Variants in NAA35 observed in about 807,000 individuals in gnomAD.
NAA35 encodes N-alpha-acetyltransferase 35, NatC auxiliary subunit.
NAA35 carries 18 observed loss-of-function variants against 101.7 expected under a neutral mutation model. The observed-to-expected ratio is 0.18, with a 90% CI of 0.12 to 0.26. The LOEUF is 0.26. Ranked by LOEUF, NAA35 falls within the 10% of genes least tolerant of loss-of-function variation. NAA35 has a pLI of 1.00. For synonymous variants in NAA35, 267 were observed against 273.1 expected (o/e 0.98, Z 0.22); for missense variants, 601 against 886.8 (o/e 0.68, Z 4.09).
intron 17 of NAA35, chr9:86,014,350 T>G: frequency 1.0e-6 from 1 of 979,818 alleles, no homozygotes; most frequent in Non-Finnish European, 1.2e-6. Flanking sequence ...AGCTTTGGAG[T>G]TGATAAAAGA....
chr9:85,994,047 G>T (rs955849954), intron 11 of NAA35, among the ~76,000 whole-genome samples: 2 of 151,696 alleles, frequency 1.3e-5, no homozygotes, highest in East Asian at 3.9e-4. Context: ...TAGATACGTA[G>T]ATTTGTATGA....
chr9:86,002,236 C>A (rs1015234892), intron 12 of NAA35, among the ~76,000 whole-genome samples: 2 of 152,106 alleles, frequency 1.3e-5, no homozygotes, highest in African/African-American at 4.8e-5. Flanking sequence ...TCCTTTTTAG[C>A]CTGATGGGGA....
intron 11 of NAA35, among the ~76,000 whole-genome samples, chr9:85,989,643 A>G (rs1161188223): frequency 1.3e-5 from 2 of 152,236 alleles, no homozygotes; most frequent in African/African-American, 4.8e-5. Flanking sequence ...GAAAGACTGA[A>G]ATCAGGAATG....
In NAA35 at chr9:86,018,238, T is replaced by C. The variant is rs776677543; in HGVS notation, c.1774-17T>C. On this transcript the variant is annotated splice_polypyrimidine_tract_variant and intron_variant, in intron 19 of 22. Transcript: ENST00000361671. ...CATATTGATTTCATCTTTTTTCTTA[T>C]TCCCTTTTTCATTTAGACCATGGTA... 1.9e-6 allele frequency: 3 copies of C among 1,599,860 alleles called. No homozygotes were observed. The highest frequency in any genetic ancestry group is 2.6e-6 in the Non-Finnish European group (3 of 1,169,904).
At chr9:85,988,566 G>A (rs569156879) in intron 11 of NAA35, among the ~76,000 whole-genome samples, 186 of 152,116 alleles carry the variant, frequency 1.2e-3, no homozygotes, top group African/African-American at 4.4e-3. Context: ...TTGGGAGGCC[G>A]AGGCAGGCAG....
chr9:86,018,662 T>G, intron 20 of NAA35, 37 bp from the exon 21 acceptor site: 1 of 1,595,420 alleles, frequency 6.3e-7, no homozygotes, highest in East Asian at 2.2e-5. Flanking sequence ...TTGTTCATAT[T>G]AAACGTGTTT....
At chr9:85,947,180 AT>A (rs1364703358) in intron 2 of NAA35, among the ~76,000 whole-genome samples, 2 of 152,182 alleles carry the variant, frequency 1.3e-5, no homozygotes. Context: ...GGACACTGAA[AT>A]TATGTTGATA....
chr9:85,961,185 TAC>T (rs1234182614), intron 5 of NAA35, among the ~76,000 whole-genome samples: 3 of 152,208 alleles, frequency 2.0e-5, no homozygotes, highest in Non-Finnish European at 2.9e-5. Context: ...TAATACCAAA[TAC>T]ACACCTTAAT....
chr9:85,948,036 G>T (rs532004855), intron 2 of NAA35, among the ~76,000 whole-genome samples: 6 of 152,282 alleles, frequency 3.9e-5, no homozygotes, highest in African/African-American at 7.2e-5. Context: ...GTTTCTAGAA[G>T]ACACTGCGTT....
At chr9:85,973,330 G>C (rs1830073651) in intron 6 of NAA35, among the ~76,000 whole-genome samples, 1 of 152,208 alleles carries the variant, frequency 6.6e-6, no homozygotes, top group Non-Finnish European at 1.5e-5. Context: ...ATGACATGAT[G>C]TGACTTATTT....
Position 85,964,707 on chromosome 9 carries a change from G to A in NAA35, c.516+2527G>A, listed in dbSNP as rs888232928. On this transcript the variant is annotated intron_variant, in intron 6 of 22. Transcript: ENST00000361671. The stretch of plus-strand genomic sequence containing the variant: ...TTGGGTTTATCTGTTCTTTCCTTAC[G>A]ATTAGATTAAGATTGTGCAATCTTG... Among the ~76,000 whole-genome samples the A allele has an allele frequency of 3.3e-5, 5 of 152,038 alleles. No homozygotes were observed. The East Asian group carries it at 9.6e-4, about 29-fold the overall frequency.
At chr9:86,020,758 A>C in intron 21 of NAA35, 131 bp from the exon 22 acceptor site, 1 of 551,992 alleles carries the variant, frequency 1.8e-6, no homozygotes, top group Non-Finnish European at 3.2e-6. Flanking sequence ...CTGAACCAGG[A>C]GGTTGAGGCT....
At chr9:85,947,151 A>G (rs1828805295) in intron 2 of NAA35, among the ~76,000 whole-genome samples, 1 of 152,176 alleles carries the variant, frequency 6.6e-6, no homozygotes, top group African/African-American at 2.4e-5. Context: ...TAACCAGCAT[A>G]ATTATGAACC....
Position 86,024,693 on chromosome 9 carries a change from A to AGTTGCCAAACTACACAAG in NAA35, c.*2733_*2734insGTTGCCAAACTACACAAG, listed in dbSNP as rs1413394408. Among the ~76,000 whole-genome samples the AGTTGCCAAACTACACAAG allele has an allele frequency of 2.0e-5, 3 of 152,176 alleles. No individual in the cohort carries two copies. Among genetic ancestry groups the AGTTGCCAAACTACACAAG allele is most frequent in the Non-Finnish European group, 4.4e-5 (3 of 68,022 alleles). On this transcript the variant is annotated 3_prime_UTR_variant, in exon 23 of 23. Transcript: ENST00000361671. ...TTTTTTTGGCTTTGGCAACTAGACG[A>AGTTGCCAAACTACACAAG]TGGTGGTGCCACTTGTGTAGATATC...
intron 13 of NAA35, among the ~76,000 whole-genome samples, 159 bp from the exon 14 acceptor site, chr9:86,007,199 G>A (rs552908978): frequency 6.6e-6 from 1 of 152,268 alleles, no homozygotes; most frequent in African/African-American, 2.4e-5. Context: ...GGATTAATAA[G>A]TAACACTCAT....
intron 6 of NAA35, among the ~76,000 whole-genome samples, chr9:85,971,442 C>G (rs543176930): frequency 1.1e-4 from 16 of 152,270 alleles, no homozygotes; most frequent in African/African-American, 3.6e-4. Context: ...TCTCTAATTG[C>G]TAGAGTACTC....
At chr9:86,000,394 AAGATGATGCTAGCCTCAT>A (rs1193043639) in intron 12 of NAA35, among the ~76,000 whole-genome samples, 1 of 152,164 alleles carries the variant, frequency 6.6e-6, no homozygotes, top group East Asian at 1.9e-4. Flanking sequence ...TTTTGGTATC[AAGATGATGCTAGCCTCAT>A]AGAAGGAGTT....
At chr9:85,952,518 C>G (rs1015454185) in intron 2 of NAA35, among the ~76,000 whole-genome samples, 3 of 151,992 alleles carry the variant, frequency 2.0e-5, no homozygotes, top group Non-Finnish European at 2.9e-5. Flanking sequence ...CTCCTGACCT[C>G]CAGTAATCCA....
chr9:85,975,872 A>G (rs1830188828), intron 8 of NAA35, among the ~76,000 whole-genome samples: 1 of 152,166 alleles, frequency 6.6e-6, no homozygotes, highest in African/African-American at 2.4e-5. Context: ...GAGCTCAGTA[A>G]GTGGTGATAT....
Sources: allele counts gnomAD v4.1 joint callset (sites outside exome capture counted in the v4.1 genomes callset), GRCh38; gene constraint gnomAD v4.1.1; transcripts MANE v1.5; gene names NCBI Gene and HGNC (gene_info 2026-07-23, HGNC 2026-07-21).